Variants in SORCS1 observed in about 807,000 individuals in gnomAD.
SORCS1 encodes the protein VPS10 domain-containing receptor SorCS1.
Under a neutral mutation model 146.1 loss-of-function variants are expected in SORCS1, and 60 were observed. That is an observed-to-expected ratio of 0.41 (90% CI 0.33 to 0.51). The LOEUF is 0.51. SORCS1 is among the 20% of genes least tolerant of loss of function. The probability of loss-of-function intolerance (pLI) is 0.21; values close to 1 mark genes in which losing one functional copy is unlikely to be tolerated. For missense variants in SORCS1, 1,352 were observed against 1,487.6 expected, an observed-to-expected ratio of 0.91 and a Z score of 1.50; for synonymous variants, 637 against 584.0, an observed-to-expected ratio of 1.09 and a Z score of -1.31.
Position 106,679,170 on chromosome 10 carries a change from C to T in SORCS1, c.1740+86G>A, listed in dbSNP as rs544237166. The stretch of plus-strand genomic sequence containing the variant: ...TCATTAGGATTTATGTGTAGCACCG[C>T]TGAAAAAAGTTCCCAGATTTGAACC... On this transcript the variant is annotated intron_variant, in intron 12 of 25. Coordinates refer to ENST00000263054, the MANE Select transcript of SORCS1 (RefSeq NM_052918.5). 2.2e-5 allele frequency: 20 copies of T among 929,026 alleles called. No individual in the cohort carries two copies. The South Asian group carries it at 2.6e-4, about 12-fold the overall frequency. 57.5% of individuals were successfully genotyped at this position (929,026 alleles called of 1,614,324 possible).
At chr10:106,971,025 C>T (rs1389919984) in intron 1 of SORCS1, among the ~76,000 whole-genome samples, 3 of 150,100 alleles carry the variant, frequency 2.0e-5, no homozygotes, top group Non-Finnish European at 1.5e-5. Flanking sequence ...GCTGGGATTA[C>T]AGGTGTGAGC....
At chr10:106,840,287 G>A (rs1342359609) in intron 2 of SORCS1, among the ~76,000 whole-genome samples, 1 of 152,148 alleles carries the variant, frequency 6.6e-6, no homozygotes, top group Non-Finnish European at 1.5e-5. Flanking sequence ...TAGGAAGTTG[G>A]AAGAACTTAA....
intron 3 of SORCS1, among the ~76,000 whole-genome samples, chr10:106,796,864 C>T (rs923870786): frequency 1.3e-5 from 2 of 152,208 alleles, no homozygotes; most frequent in Non-Finnish European, 2.9e-5. Flanking sequence ...AATCCCAGCA[C>T]TTTGGGAGGC....
chr10:107,110,254 T>C (rs1161999615), intron 1 of SORCS1, among the ~76,000 whole-genome samples: 5 of 152,202 alleles, frequency 3.3e-5, no homozygotes, highest in Admixed American at 6.5e-5. Flanking sequence ...TTTATAGCAA[T>C]ACCCAACTCA....
intron 2 of SORCS1, among the ~76,000 whole-genome samples, chr10:106,877,419 C>CA (rs72076963): frequency 0.078 from 11,402 of 145,836 alleles, 1,141 homozygotes; most frequent in African/African-American, 0.23. Flanking sequence ...CCTGTTTCTA[C>CA]AAAAAAAAAA....
intron 1 of SORCS1, among the ~76,000 whole-genome samples, chr10:107,077,049 G>A (rs1194992567): frequency 1.3e-5 from 2 of 152,058 alleles, no homozygotes; most frequent in African/African-American, 4.8e-5. Context: ...CTACCTCGGA[G>A]GGATCTGCTC....
intron 1 of SORCS1, among the ~76,000 whole-genome samples, chr10:107,054,927 C>A (rs1011431094): frequency 2.0e-5 from 3 of 152,158 alleles, no homozygotes; most frequent in Non-Finnish European, 4.4e-5. Flanking sequence ...CTCATCAATA[C>A]GACATGCCTA....
chr10:106,588,588 G>A (rs983294981), intron 24 of SORCS1, among the ~76,000 whole-genome samples: 2 of 152,018 alleles, frequency 1.3e-5, no homozygotes, highest in African/African-American at 4.8e-5. Flanking sequence ...GGGGCCGGGC[G>A]CGGTGGCTCA....
At chr10:106,968,071 G>A (rs911018859) in intron 1 of SORCS1, among the ~76,000 whole-genome samples, 6 of 151,878 alleles carry the variant, frequency 4.0e-5, no homozygotes, top group Admixed American at 2.0e-4. Context: ...TTAGCTGGGC[G>A]TGGTGGCGGG....
chr10:106,731,366 C>T (rs1856589107), intron 5 of SORCS1, among the ~76,000 whole-genome samples: 1 of 150,212 alleles, frequency 6.7e-6, no homozygotes, highest in African/African-American at 2.5e-5. Context: ...CGACCCTGCA[C>T]AGACTGGGTC....
At chr10:106,645,140 AT>A (rs34874269) in intron 18 of SORCS1, among the ~76,000 whole-genome samples, 41,310 of 141,028 alleles carry the variant, frequency 0.29, 6,988 homozygotes, top group East Asian at 0.51. Context: ...TATTATTAGC[AT>A]TTTTTTTTTT....
At chr10:106,812,303 A>G (rs1947503146) in intron 3 of SORCS1, among the ~76,000 whole-genome samples, 1 of 152,004 alleles carries the variant, frequency 6.6e-6, no homozygotes, top group South Asian at 2.1e-4. Flanking sequence ...CCCAGCCTGG[A>G]GTTTTGTTTT....
At chr10:106,697,204 G>A (rs182608368) in intron 9 of SORCS1, among the ~76,000 whole-genome samples, 58 of 152,162 alleles carry the variant, frequency 3.8e-4, no homozygotes, top group African/African-American at 1.3e-3. Flanking sequence ...CTTGGTATAG[G>A]CCATAATCCC....
intron 2 of SORCS1, among the ~76,000 whole-genome samples, chr10:106,882,415 A>G (rs1035112116): frequency 2.0e-5 from 3 of 152,204 alleles, no homozygotes; most frequent in Non-Finnish European, 4.4e-5. Flanking sequence ...TTTTTTCTGT[A>G]AAGGTTCGGG....
upstream of SORCS1, among the ~76,000 whole-genome samples, chr10:107,164,957 C>A (rs1969999948): frequency 6.7e-6 from 1 of 150,270 alleles, no homozygotes; most frequent in African/African-American, 2.4e-5. The surrounding 1 kb of genome is among the most constrained non-coding windows in gnomAD (Gnocchi z 6.8). Flanking sequence ...GCCCACTCTG[C>A]GCCCCCGCGG....
chr10:107,129,059 A>G (rs527927375), intron 1 of SORCS1, among the ~76,000 whole-genome samples: 5 of 152,354 alleles, frequency 3.3e-5, no homozygotes, highest in African/African-American at 1.2e-4. Flanking sequence ...ATATCAAGGC[A>G]ATAACAAAAG....
intron 1 of SORCS1, among the ~76,000 whole-genome samples, chr10:106,985,270 A>G (rs75435114): frequency 0.22 from 33,854 of 152,214 alleles, 4,574 homozygotes; most frequent in Middle Eastern, 0.33. Flanking sequence ...TGCCATGCAT[A>G]TCCTCCAATG....
chr10:106,701,684 T>C (rs2135762073), intron 8 of SORCS1, among the ~76,000 whole-genome samples: 1 of 152,320 alleles, frequency 6.6e-6, no homozygotes, highest in African/African-American at 2.4e-5. Flanking sequence ...GACTTTTCAG[T>C]TAAAGAAGAC....
intron 21 of SORCS1, among the ~76,000 whole-genome samples, chr10:106,614,228 G>A (rs758808642): frequency 1.3e-4 from 20 of 152,132 alleles, no homozygotes; most frequent in Middle Eastern, 3.4e-3. Flanking sequence ...TAGCCTTCTC[G>A]AAATTTATGC....
Sources: allele counts gnomAD v4.1 joint callset (sites outside exome capture counted in the v4.1 genomes callset), GRCh38; gene constraint gnomAD v4.1.1; non-coding constraint Gnocchi (gnomAD v3.1); transcripts MANE v1.5; gene names NCBI Gene and HGNC (gene_info 2026-07-23, HGNC 2026-07-21).